CCDC191: variants seen among roughly 807,000 people sequenced by gnomAD.
CCDC191 encodes the protein coiled-coil domain-containing protein 191.
A neutral mutation model predicts 114.0 loss-of-function variants in CCDC191; 99 were observed. The ratio of observed to expected loss-of-function variants is 0.87; its 90% CI spans 0.74 to 1.03. CCDC191 has a LOEUF of 1.03. Ranked by LOEUF, CCDC191 falls within the 50% of genes least tolerant of loss-of-function variation. CCDC191 has a pLI of 0.00. For missense variants in CCDC191, 973 were observed against 1,087.0 expected, an observed-to-expected ratio of 0.90 and a Z score of 1.47; for synonymous variants, 351 against 376.0, an observed-to-expected ratio of 0.93 and a Z score of 0.77.
chr3:114,041,545 C>G (rs917047336), intron 4 of CCDC191, among the ~76,000 whole-genome samples: 1 of 152,150 alleles, frequency 6.6e-6, no homozygotes, highest in African/African-American at 2.4e-5. Flanking sequence ...GGAAGGTGTT[C>G]AGGCAGAGGA....
chr3:113,969,878 C>T (rs570463898), intron 16 of CCDC191, among the ~76,000 whole-genome samples: 1 of 151,950 alleles, frequency 6.6e-6, no homozygotes, highest in East Asian at 1.9e-4. Flanking sequence ...TTTCTATTTC[C>T]GTGAAGAATG....
intron 14 of CCDC191, among the ~76,000 whole-genome samples, chr3:113,980,034 A>T (rs2075085260): frequency 6.6e-6 from 1 of 152,176 alleles, no homozygotes; most frequent in South Asian, 2.1e-4. Context: ...TGTAGAGTGG[A>T]TGGAGCTCTT....
intron 7 of CCDC191, among the ~76,000 whole-genome samples, chr3:114,024,542 C>T (rs1011397996): frequency 2.6e-5 from 4 of 152,146 alleles, no homozygotes; most frequent in Non-Finnish European, 4.4e-5. Context: ...GAGTTCATGT[C>T]CTTTGTAGGG....
rs1049138249 is a variant in CCDC191 at position 113,965,080 on chromosome 3, T to A, written c.*75A>T. On this transcript the variant is annotated 3_prime_UTR_variant, in exon 17 of 17. Transcript: ENST00000295878. The stretch of plus-strand genomic sequence containing the variant: ...AGAATAAACCAGGTGTATGTATGTA[T>A]GTGTGTGGGTGGGTGGAGATAACAC... 1 of 785,612 alleles carries A rather than the reference T, an allele frequency of 1.3e-6. No homozygotes were observed. Among genetic ancestry groups the A allele is most frequent in the African/African-American group, 1.8e-5 (1 of 57,096 alleles). 48.7% of individuals were successfully genotyped at this position (785,612 alleles called of 1,614,324 possible). A position where few individuals can be genotyped will look rare whatever the true frequency, so the allele number is the denominator to read the frequency against.
Position 113,973,596 on chromosome 3 carries a change from G to GTT in CCDC191, c.2606+4588_2606+4589dup, listed in dbSNP as rs61420341. Among the ~76,000 whole-genome samples the GTT allele has an allele frequency of 2.0e-3, 285 of 145,564 alleles. 4 individuals carry two copies. The highest frequency in any genetic ancestry group is 0.016 in the East Asian group (78 of 4,992). ...TGGATACAGTATTCTTGGATGGCAG[G>GTT]TTTTTTTTTTTTCTTTTTTCTTTCA... On this transcript the variant is annotated intron_variant, in intron 16 of 16. Transcript: ENST00000295878.
intron 2 of CCDC191, among the ~76,000 whole-genome samples, chr3:114,048,756 C>T (rs1222789768): frequency 1.3e-5 from 2 of 152,162 alleles, no homozygotes; most frequent in Non-Finnish European, 2.9e-5. Flanking sequence ...ACCATCTTAT[C>T]GTATATTTAA....
chr3:113,965,088 G>T lies in CCDC191; in HGVS notation c.*67C>A, dbSNP rs1188003190. The T allele has an allele frequency of 1.0e-5, 9 of 858,694 alleles. No individual in the cohort carries two copies. Among genetic ancestry groups the T allele is most frequent in the Non-Finnish European group, 1.6e-5 (9 of 552,342 alleles). The allele number at this position is 858,694 out of a possible 1,614,324, so 53.2% of individuals were successfully genotyped here. A position where few individuals can be genotyped will look rare whatever the true frequency, so the allele number is the denominator to read the frequency against. On this transcript the variant is annotated 3_prime_UTR_variant, in exon 17 of 17. Coordinates refer to ENST00000295878, the MANE Select transcript of CCDC191 (RefSeq NM_020817.2). ...CCAGGTGTATGTATGTATGTGTGTG[G>T]GTGGGTGGAGATAACACACATACAG...
chr3:114,004,577 C>T lies in CCDC191; in HGVS notation c.1978+60G>A, dbSNP rs111985115. 3.4e-5 allele frequency: 53 copies of T among 1,578,324 alleles called. 1 individual carries two copies. In the African/African-American group the frequency reaches 3.7e-4, roughly 11 times the overall value. On this transcript the variant is annotated intron_variant, in intron 11 of 16. Transcript: ENST00000295878. ...GTTGCCAGAATTCAGTCCCAGTGTA[C>T]ACATTCTACTCTAGGAGAGAAGATA...
chr3:114,032,265 A>G (rs955358050), intron 6 of CCDC191, among the ~76,000 whole-genome samples: 2 of 152,204 alleles, frequency 1.3e-5, no homozygotes, highest in African/African-American at 4.8e-5. Flanking sequence ...ATAATTTTAA[A>G]ATAGCTGAAA....
In CCDC191 at chr3:114,005,733, C is replaced by A. The variant is rs745377651; in HGVS notation, c.1643G>T (p.Cys548Phe). The change falls in exon 10 of 17, where the codon TGC becomes TTC. Residue 548 changes from cysteine to phenylalanine, a missense_variant. Physicochemically the swap from Cys to Phe is radical, Grantham distance 205 (BLOSUM62 -2). Coordinates refer to ENST00000295878, the MANE Select transcript of CCDC191 (RefSeq NM_020817.2). ...RTTSQKAEPL[C>F]LGHFHNRHVF... ...ATGGCGGTTGTGGAAATGACCCAAG[C>A]AAAGCGGTTCTGCTTTCTGGCTGGT... is the stretch of plus-strand genomic sequence containing the variant. 136 of 1,614,016 alleles carry A rather than the reference C, an allele frequency of 8.4e-5. No homozygotes were observed. Among genetic ancestry groups the A allele is most frequent in the Non-Finnish European group, 1.1e-4 (127 of 1,180,012 alleles).
intron 13 of CCDC191, among the ~76,000 whole-genome samples, chr3:113,994,533 T>C (rs1437074311): frequency 6.6e-6 from 1 of 152,030 alleles, no homozygotes; most frequent in Admixed American, 6.6e-5. Flanking sequence ...AGCAATCACA[T>C]TCCTAGGTAT....
intron 1 of CCDC191, 108 bp from the exon 2 acceptor site, chr3:114,053,743 T>A (rs2076728590): frequency 1.6e-6 from 1 of 624,770 alleles, no homozygotes; most frequent in South Asian, 2.5e-5. Context: ...CCTTTATTAT[T>A]TCCCCAAAGC....
At chr3:114,043,432 T>C (rs773283652) in intron 3 of CCDC191, among the ~76,000 whole-genome samples, 3 of 152,188 alleles carry the variant, frequency 2.0e-5, no homozygotes, top group Admixed American at 6.5e-5. Context: ...TAGAGCCATT[T>C]TGTGTTGTCA....
chr3:114,031,817 A>G (rs1235388469), intron 6 of CCDC191, 38 bp from the exon 7 acceptor site: 2 of 928,628 alleles, frequency 2.2e-6, no homozygotes, highest in Non-Finnish European at 3.3e-6. Flanking sequence ...TATATTTACA[A>G]TAGATTTAAA....
At position 113,965,185 on chromosome 3, in the gene CCDC191, G is replaced by C; in HGVS notation, c.2781C>G (p.Ser927=). The C allele has an allele frequency of 1.2e-6, 2 of 1,606,192 alleles. No homozygotes were observed. Among genetic ancestry groups the C allele is most frequent in the Non-Finnish European group, 1.7e-6 (2 of 1,176,464 alleles). Residue 927 remains serine (S), a synonymous_variant, in exon 17 of 17, where the codon TCC becomes TCG. Coordinates refer to ENST00000295878, the MANE Select transcript of CCDC191 (RefSeq NM_020817.2). ...HELYQQSDTW[S]LSKTSLVNE is the part of the protein sequence containing the mutation. ...CGTTCACCAGACTTGTCTTACTCAAGGACCAAGTATCTGATTGCTGATATA... is the reference window on the plus strand; with the variant it reads ...CGTTCACCAGACTTGTCTTACTCAACGACCAAGTATCTGATTGCTGATATA...
intron 1 of CCDC191, 76 bp downstream of exon 1, chr3:114,056,301 C>G (rs1445218625): frequency 7.1e-7 from 1 of 1,407,738 alleles, no homozygotes; most frequent in Admixed American, 1.7e-5. Context: ...GAAGCACAGA[C>G]GGGCCGCGAC....
In CCDC191 at chr3:113,980,648, A is replaced by T; in HGVS notation, c.2307+2T>A. 1 of 1,588,044 alleles carries T rather than the reference A, an allele frequency of 6.3e-7. No homozygotes were observed. Among genetic ancestry groups the T allele is most frequent in the Non-Finnish European group, 8.5e-7 (1 of 1,172,946 alleles). ...CTGGGGGATAACAGTGGGACAGTGTACCTGGATGTTTTGTTTGCTTTGCAT... is the reference window on the plus strand; with the variant it reads ...CTGGGGGATAACAGTGGGACAGTGTTCCTGGATGTTTTGTTTGCTTTGCAT... On this transcript the variant is annotated splice_donor_variant, in intron 14 of 16. Transcript: ENST00000295878. LOFTEE classifies it high-confidence loss of function.
In CCDC191 at chr3:114,010,921, G is replaced by C. The variant is rs2076058645; in HGVS notation, c.1264C>G (p.Leu422Val). 2 of 1,613,942 alleles carry C rather than the reference G, an allele frequency of 1.2e-6. No homozygotes were observed. Among genetic ancestry groups the C allele is most frequent in the Non-Finnish European group, 1.7e-6 (2 of 1,179,946 alleles). Residue 422 changes from leucine to valine, a missense_variant, in exon 9 of 17, where the codon CTG becomes GTG. Transcript: ENST00000295878. Reference sequence around the variant, plus strand: ...CTAGTTTCCTCTTTTGTGAGAGCCAGCTCTCTCTTCAGGAGCTCGGCGCCA... The same window carrying C: ...CTAGTTTCCTCTTTTGTGAGAGCCACCTCTCTCTTCAGGAGCTCGGCGCCA... ...WHGAELLKRE[L>V]ALTKEETRKK...
At chr3:114,038,830 G>C (rs1466545427) in intron 4 of CCDC191, among the ~76,000 whole-genome samples, 1 of 152,160 alleles carries the variant, frequency 6.6e-6, no homozygotes, top group East Asian at 1.9e-4. Context: ...GGAGCTGAAT[G>C]ATGAGAACAC....
Sources: gnomAD v4.1 joint callset for allele counts (sites outside exome capture counted in the v4.1 genomes callset) on GRCh38, gnomAD v4.1.1 for gene constraint, MANE v1.5 for transcripts, NCBI Gene and HGNC (gene_info 2026-07-23, HGNC 2026-07-21) for gene names.